Variants in SNRK observed in about 807,000 individuals in gnomAD.
SNRK encodes the protein SNF-related serine/threonine-protein kinase.
SNRK carries 3 observed loss-of-function variants against 48.2 expected under a neutral mutation model. The observed-to-expected ratio is 0.06, with a 90% CI of 0.03 to 0.16. The LOEUF (loss-of-function observed/expected upper bound fraction) is 0.16. Among genes scored for constraint, SNRK ranks in the 10% least tolerant of loss-of-function variants. The pLI, the probability that SNRK is intolerant of heterozygous loss-of-function variation, is 1.00. For missense variants in SNRK, 627 were observed against 976.0 expected (o/e 0.64, Z 4.76); for synonymous variants, 376 against 366.1 (o/e 1.03, Z -0.31).
intron 1 of SNRK, among the ~76,000 whole-genome samples, chr3:43,297,133 A>G (rs549418210): frequency 2.6e-5 from 4 of 152,324 alleles, no homozygotes; most frequent in Admixed American, 6.5e-5. Flanking sequence ...CATTTAAAAT[A>G]TTGATCTAGA....
At position 43,337,302 on chromosome 3, in the gene SNRK, T is replaced by G. The variant is rs1215756473; in HGVS notation, c.732-2985T>G. On this transcript the variant is annotated intron_variant, in intron 4 of 6. Coordinates refer to ENST00000296088, the MANE Select transcript of SNRK (RefSeq NM_017719.5). ...TTGCCCAGGCTGGTCTCGAACTCCT[T>G]AGCTCAGGCAGTCCACCCGCCTCAG... Among the ~76,000 whole-genome samples, 5 of 150,532 alleles carry G rather than the reference T, an allele frequency of 3.3e-5. No homozygotes were observed. The East Asian group carries it at 8.1e-4, about 24-fold the overall frequency.
intron 5 of SNRK, chr3:43,340,721 G>A (rs567716078): frequency 2.2e-5 from 12 of 544,764 alleles, no homozygotes; most frequent in Middle Eastern, 4.9e-4. Flanking sequence ...TTGCTGGGTG[G>A]TTTCAGTGAG....
intron 3 of SNRK, among the ~76,000 whole-genome samples, chr3:43,305,582 A>C (rs141007843): frequency 0.025 from 3,760 of 148,722 alleles, 161 homozygotes; most frequent in African/African-American, 0.087. Flanking sequence ...TCCTGGGTTC[A>C]CACCATTCTC....
chr3:43,312,028 A>T (rs1245394546), intron 3 of SNRK, among the ~76,000 whole-genome samples: 1 of 152,168 alleles, frequency 6.6e-6, no homozygotes, highest in Non-Finnish European at 1.5e-5. Flanking sequence ...TCAAGTTAAA[A>T]TGAGTTAAAT....
chr3:43,343,555 T>C, intron 6 of SNRK, 77 bp downstream of exon 6: 1 of 1,427,074 alleles, frequency 7.0e-7, no homozygotes, highest in East Asian at 2.4e-5. Flanking sequence ...TTTTTAATGC[T>C]TCCTAACTCT....
chr3:43,300,522 G>A (rs1368215412), intron 2 of SNRK, among the ~76,000 whole-genome samples: 3 of 152,046 alleles, frequency 2.0e-5, no homozygotes, highest in Non-Finnish European at 4.4e-5. Flanking sequence ...GCAAGCTTAT[G>A]CAATAGCAAC....
At chr3:43,315,824 C>G (rs2091009694) in intron 3 of SNRK, among the ~76,000 whole-genome samples, 1 of 152,184 alleles carries the variant, frequency 6.6e-6, no homozygotes, top group African/African-American at 2.4e-5. Context: ...GTAGCACACA[C>G]CTTCTGTCAC....
intron 3 of SNRK, among the ~76,000 whole-genome samples, chr3:43,324,349 A>T (rs1242426785): frequency 6.6e-6 from 1 of 152,110 alleles, no homozygotes; most frequent in Non-Finnish European, 1.5e-5. Context: ...CTCTAATAAA[A>T]ACTACAAAAA....
At chr3:43,291,976 C>T (rs2090815807) in intron 1 of SNRK, among the ~76,000 whole-genome samples, 1 of 152,164 alleles carries the variant, frequency 6.6e-6, no homozygotes, top group East Asian at 1.9e-4. Flanking sequence ...GGGTATCACT[C>T]TTAAGGAATT....
Position 43,324,819 on chromosome 3 carries a change from T to A in SNRK, c.590-7350T>A, listed in dbSNP as rs2091082823. On this transcript the variant is annotated intron_variant, in intron 3 of 6. Transcript: ENST00000296088. ...ATGGAGAACTAGCCAAAACAAACAT[T>A]TCAAGAGCTAATATTTTGAATTTTG... Among the ~76,000 whole-genome samples, 8 of 152,332 alleles carry A rather than the reference T, an allele frequency of 5.3e-5. No homozygotes were observed. In the South Asian group the frequency reaches 1.7e-3, roughly 32 times the overall value.
At chr3:43,290,462 G>A (rs1170276868) in intron 1 of SNRK, among the ~76,000 whole-genome samples, 1 of 152,204 alleles carries the variant, frequency 6.6e-6, no homozygotes, top group Admixed American at 6.5e-5. Context: ...CTCTCCGCTA[G>A]AGTCATTCTG....
At chr3:43,325,484 C>T (rs1017905001) in intron 3 of SNRK, among the ~76,000 whole-genome samples, 3 of 152,008 alleles carry the variant, frequency 2.0e-5, no homozygotes, top group Non-Finnish European at 4.4e-5. Flanking sequence ...GTGTTTTTAA[C>T]ATCAACTTAA....
At chr3:43,296,902 T>A (rs543628565) in intron 1 of SNRK, among the ~76,000 whole-genome samples, 1 of 152,196 alleles carries the variant, frequency 6.6e-6, no homozygotes, top group Non-Finnish European at 1.5e-5. Flanking sequence ...ATGCTTCAGT[T>A]GCTTCTGCTG....
rs2221524 is a variant in SNRK, at chr3:43,302,086, T to C, written c.-106-1012T>C. Among the ~76,000 whole-genome samples the C allele has an allele frequency of 2.7e-3, 413 of 152,288 alleles. 5 individuals are homozygous for C. Among genetic ancestry groups the C allele is most frequent in the Admixed American group, 0.024 (364 of 15,300 alleles). ...GTAAGAATGCATGCCTGTTTACTCT[T>C]GGAATATAATCACGTTATGCTGGGT... On this transcript the variant is annotated intron_variant, in intron 2 of 6. Transcript: ENST00000296088.
chr3:43,337,230 C>T (rs6763493), intron 4 of SNRK, among the ~76,000 whole-genome samples: 7,872 of 151,916 alleles, frequency 0.052, 552 homozygotes, highest in African/African-American at 0.16. Context: ...CACGCCACCA[C>T]ATCTGGCTAA....
chr3:43,342,481 T>C (rs1439580386), intron 5 of SNRK, among the ~76,000 whole-genome samples: 2 of 152,250 alleles, frequency 1.3e-5, no homozygotes, highest in Non-Finnish European at 2.9e-5. Flanking sequence ...TGCCTCAGCC[T>C]GCCCTGCCCC....
intron 1 of SNRK, among the ~76,000 whole-genome samples, chr3:43,289,418 A>T (rs1305439256): frequency 2.6e-5 from 4 of 152,024 alleles, no homozygotes. Context: ...GGAAGGAGGG[A>T]AATGGGGCAG....
chr3:43,316,940 T>A (rs1479055655), intron 3 of SNRK, among the ~76,000 whole-genome samples: 2 of 152,202 alleles, frequency 1.3e-5, no homozygotes, highest in African/African-American at 4.8e-5. Context: ...CCAACTCATT[T>A]TCTTGGGTTC....
intron 3 of SNRK, among the ~76,000 whole-genome samples, chr3:43,308,349 G>A (rs1055248656): frequency 1.3e-5 from 2 of 152,210 alleles, no homozygotes; most frequent in African/African-American, 4.8e-5. Flanking sequence ...TCTATTGGAA[G>A]AAGATCCCAT....
Sources: gnomAD v4.1 joint callset for allele counts (sites outside exome capture counted in the v4.1 genomes callset) on GRCh38, gnomAD v4.1.1 for gene constraint, MANE v1.5 for transcripts, NCBI Gene and HGNC (gene_info 2026-07-23, HGNC 2026-07-21) for gene names.